Variants in DOCK1 observed in about 807,000 individuals in gnomAD.
DOCK1 encodes dedicator of cytokinesis 1.
Under a neutral mutation model 262.7 loss-of-function variants are expected in DOCK1, and 138 were observed. That is an observed-to-expected ratio of 0.53 (90% confidence interval 0.46 to 0.61). DOCK1 has a LOEUF of 0.61. DOCK1 is among the 20% of genes least tolerant of loss of function. The probability of loss-of-function intolerance (pLI) is 0.00; values close to 1 mark genes in which losing one functional copy is unlikely to be tolerated. For missense variants in DOCK1, 1,908 were observed against 2,370.7 expected, an observed-to-expected ratio of 0.80 and a Z score of 4.05; for synonymous variants, 866 against 867.4, an observed-to-expected ratio of 1.00 and a Z score of 0.03.
At chr10:127,301,598 A>C (rs948320464) in intron 29 of DOCK1, among the ~76,000 whole-genome samples, 4 of 152,174 alleles carry the variant, frequency 2.6e-5, no homozygotes, top group East Asian at 1.9e-4. Context: ...AATCAAATGT[A>C]TTATGGGCAA....
intron 27 of DOCK1, among the ~76,000 whole-genome samples, chr10:127,177,560 G>A (rs1564874331): frequency 6.6e-6 from 1 of 152,228 alleles, no homozygotes; most frequent in East Asian, 1.9e-4. Flanking sequence ...CGGGGCCCGA[G>A]TGGCTGGAGC....
chr10:127,404,570 C>T (rs1202724722), intron 40 of DOCK1, 141 bp downstream of exon 40: 8 of 727,798 alleles, frequency 1.1e-5, no homozygotes, highest in African/African-American at 5.3e-5. Flanking sequence ...GTGGTTAGCC[C>T]GGGGGGCAGA....
intron 29 of DOCK1, among the ~76,000 whole-genome samples, chr10:127,260,288 G>C (rs557322581): frequency 6.6e-6 from 1 of 152,338 alleles, no homozygotes; most frequent in African/African-American, 2.4e-5. Flanking sequence ...AAGCCACAGT[G>C]CTCAGTGTCC....
chr10:127,191,939 T>A (rs2056785080), intron 27 of DOCK1, among the ~76,000 whole-genome samples: 1 of 152,252 alleles, frequency 6.6e-6, no homozygotes, highest in Non-Finnish European at 1.5e-5. Context: ...CCTTCCCATG[T>A]CTCTCATATG....
chr10:126,949,343 C>T (rs1402020713), intron 1 of DOCK1, among the ~76,000 whole-genome samples: 1 of 152,120 alleles, frequency 6.6e-6, no homozygotes, highest in Non-Finnish European at 1.5e-5. Context: ...CTTGGTTGGA[C>T]ATGTTGCTTG....
At chr10:127,381,475 T>A (rs1998864) in intron 37 of DOCK1, 107 bp downstream of exon 37, 12 of 913,478 alleles carry the variant, frequency 1.3e-5, no homozygotes, top group Non-Finnish European at 1.7e-5. Context: ...TAACTTAAGG[T>A]TTTATGAAAT....
chr10:127,220,992 A>G (rs2058415177), intron 27 of DOCK1, among the ~76,000 whole-genome samples: 1 of 152,198 alleles, frequency 6.6e-6, no homozygotes, highest in African/African-American at 2.4e-5. Flanking sequence ...TGCACTCACC[A>G]GTTTAGATGT....
intron 51 of DOCK1, among the ~76,000 whole-genome samples, chr10:127,449,789 G>T (rs1425857629): frequency 6.6e-6 from 1 of 152,102 alleles, no homozygotes; most frequent in Non-Finnish European, 1.5e-5. Context: ...ATCAGCCTCA[G>T]GCTTGTAGGC....
intron 27 of DOCK1, among the ~76,000 whole-genome samples, chr10:127,191,101 A>C (rs1396565501): frequency 1.3e-5 from 2 of 152,082 alleles, no homozygotes; most frequent in Non-Finnish European, 2.9e-5. Flanking sequence ...TGTAGCCCTG[A>C]GCACCCTACC....
At chr10:127,044,558 G>T (rs927067236) in intron 21 of DOCK1, among the ~76,000 whole-genome samples, 3 of 152,214 alleles carry the variant, frequency 2.0e-5, no homozygotes, top group Admixed American at 1.3e-4. Context: ...ACAGGAGCTT[G>T]TGGGGTTTGC....
rs889763172 is a variant in DOCK1 at position 127,447,532 on chromosome 10, C to T, written c.5552C>T (p.Pro1851Leu). 5 of 1,613,756 alleles carry T rather than the reference C, an allele frequency of 3.1e-6. No homozygotes were observed. In the African/African-American group the frequency reaches 5.3e-5, roughly 17 times the overall value. The change falls in exon 51 of 52, where the codon CCT becomes CTT. Residue 1851 changes from proline (P) to leucine (L), a missense_variant. Around this residue, in one of 9 missense-constraint regions of DOCK1, gnomAD observed 383 missense variants for 420.1 expected, o/e 0.91. Transcript: ENST00000623213. ...GGCTCGCCAACACCTCCACCTCCCC[C>T]TCCACACCAGAGGGTAAGTCGGCAA... Reference protein sequence around the residue: ...LLGSPTPPPPPPHQRHLPPPL... With the variant: ...LLGSPTPPPPLPHQRHLPPPL...
At chr10:126,952,613 GGTAGTATTGTTGGTGAT>G (rs1318031441) in intron 1 of DOCK1, among the ~76,000 whole-genome samples, 4 of 151,902 alleles carry the variant, frequency 2.6e-5, no homozygotes, top group Non-Finnish European at 5.9e-5. Context: ...TGTTATTCTT[GGTAGTATTGTTGGTGAT>G]GTAGTATTGT....
At chr10:127,144,631 G>C (rs1218902201) in intron 27 of DOCK1, among the ~76,000 whole-genome samples, 1 of 152,014 alleles carries the variant, frequency 6.6e-6, no homozygotes. Flanking sequence ...TATTTATTCT[G>C]TCTATAGAAT....
intron 23 of DOCK1, among the ~76,000 whole-genome samples, chr10:127,087,515 G>C (rs1188114648): frequency 6.6e-6 from 1 of 152,106 alleles, no homozygotes; most frequent in Non-Finnish European, 1.5e-5. Flanking sequence ...CTTTAGGGTA[G>C]ATTGTGGTCC....
At chr10:127,145,122 G>C (rs1465080267) in intron 27 of DOCK1, among the ~76,000 whole-genome samples, 1 of 152,036 alleles carries the variant, frequency 6.6e-6, no homozygotes, top group East Asian at 1.9e-4. Flanking sequence ...CTTACCTGTG[G>C]CACTCTCTGG....
At chr10:127,263,476 C>T (rs141067289) in intron 29 of DOCK1, among the ~76,000 whole-genome samples, 2 of 152,328 alleles carry the variant, frequency 1.3e-5, no homozygotes, top group African/African-American at 4.8e-5. Context: ...AGGCGATGGC[C>T]TGACATTATA....
intron 16 of DOCK1, 68 bp downstream of exon 16, chr10:127,026,492 C>G (rs2042875081): frequency 7.1e-7 from 1 of 1,416,426 alleles, no homozygotes; most frequent in Non-Finnish European, 9.7e-7. Flanking sequence ...CGCGAGAGGC[C>G]ACTCTCAGTT....
Position 127,052,737 on chromosome 10 carries a change from A to G in DOCK1, c.2258A>G (p.Asn753Ser). 3 of 1,613,922 alleles carry G rather than the reference A, an allele frequency of 1.9e-6. No individual in the cohort carries two copies. Among genetic ancestry groups the G allele is most frequent in the African/African-American group, 1.3e-5 (1 of 75,032 alleles). ...YVDGAEKPGV[N>S]EQLYKAMKAL... The stretch of plus-strand genomic sequence containing the variant: ...GACGGTGCTGAGAAGCCGGGAGTAA[A>G]TGAGCAGCTGTACAAAGCCATGAAA... Residue 753 changes from asparagine to serine, a missense_variant, in exon 22 of 52, where the codon AAT becomes AGT. Coordinates refer to ENST00000623213, the MANE Select transcript of DOCK1 (RefSeq NM_001290223.2).
chr10:127,332,675 C>G (rs915421848), intron 29 of DOCK1, among the ~76,000 whole-genome samples: 1 of 152,212 alleles, frequency 6.6e-6, no homozygotes, highest in African/African-American at 2.4e-5. Flanking sequence ...AGTCCCCCAG[C>G]TTTGCATTAC....
Sources: allele counts gnomAD v4.1 joint callset (sites outside exome capture counted in the v4.1 genomes callset), GRCh38; gene constraint gnomAD v4.1.1; regional missense constraint gnomAD v4.1.1; transcripts MANE v1.5; gene names NCBI Gene and HGNC (gene_info 2026-07-23, HGNC 2026-07-21).